KDM5A: variants seen among roughly 807,000 people sequenced by gnomAD.
The protein encoded by KDM5A is lysine-specific demethylase 5A.
Under a neutral mutation model 193.5 loss-of-function variants are expected in KDM5A, and 42 were observed. The ratio of observed to expected loss-of-function variants is 0.22; its 90% confidence interval spans 0.17 to 0.28. The LOEUF (loss-of-function observed/expected upper bound fraction) is 0.28, where lower values mean the gene tolerates loss of function less well. Ranked by LOEUF, KDM5A falls within the 10% of genes least tolerant of loss-of-function variation. The probability of loss-of-function intolerance (pLI) is 1.00; values close to 1 mark genes in which losing one functional copy is unlikely to be tolerated. For synonymous variants in KDM5A, 796 were observed against 718.1 expected (o/e 1.11, Z -1.73); for missense variants, 1,692 against 2,055.1 (o/e 0.82, Z 3.42).
At chr12:379,756 C>A (rs946796716) in intron 3 of KDM5A, among the ~76,000 whole-genome samples, 2 of 152,138 alleles carry the variant, frequency 1.3e-5, no homozygotes, top group Non-Finnish European at 1.5e-5. Flanking sequence ...GATAAGCACA[C>A]TTAACCTTTA....
intron 4 of KDM5A, among the ~76,000 whole-genome samples, chr12:365,470 C>T (rs181137184): frequency 4.6e-5 from 7 of 152,244 alleles, no homozygotes; most frequent in East Asian, 1.9e-4. Context: ...AGCCAGAAAG[C>T]GGGTCAGGAA....
intron 4 of KDM5A, among the ~76,000 whole-genome samples, chr12:365,428 T>C (rs1944345962): frequency 6.6e-6 from 1 of 152,080 alleles, no homozygotes; most frequent in Admixed American, 6.5e-5. Context: ...TGATTACATC[T>C]AGGTGAAAGT....
At position 320,067 on chromosome 12, in the gene KDM5A, C is replaced by A. The variant is rs533609534; in HGVS notation, c.2541+928G>T. On this transcript the variant is annotated intron_variant, in intron 18 of 27. Coordinates refer to ENST00000399788, the MANE Select transcript of KDM5A (RefSeq NM_001042603.3). ...GAACTGCCAATGAGCTAAGAAAAAA[C>A]CCAGAAAGTGTGGTGTCACAGGGGC... is the stretch of plus-strand genomic sequence containing the variant. Among the ~76,000 whole-genome samples, 82 of 152,250 alleles carry A rather than the reference C, an allele frequency of 5.4e-4. 2 individuals carry two copies. In the East Asian group the frequency reaches 6.9e-3, roughly 13 times the overall value.
At chr12:312,266 T>A (rs545687277) in intron 20 of KDM5A, among the ~76,000 whole-genome samples, 8 of 152,222 alleles carry the variant, frequency 5.3e-5, no homozygotes, top group Admixed American at 2.6e-4. Context: ...CTAGAAAATA[T>A]GTATTTGGAA....
At chr12:380,622 C>CT (rs1390922024) in intron 3 of KDM5A, among the ~76,000 whole-genome samples, 1 of 152,024 alleles carries the variant, frequency 6.6e-6, no homozygotes, top group African/African-American at 2.4e-5. Flanking sequence ...ACTCAGAAGG[C>CT]TGAGGCATGA....
At chr12:343,644 C>CA (rs1416576483) in intron 10 of KDM5A, among the ~76,000 whole-genome samples, 1 of 152,200 alleles carries the variant, frequency 6.6e-6, no homozygotes, top group Non-Finnish European at 1.5e-5. Context: ...GGACCTCCAA[C>CA]AAACTCCAAC....
chr12:311,428 G>A (rs1490939945), intron 20 of KDM5A, among the ~76,000 whole-genome samples: 2 of 152,012 alleles, frequency 1.3e-5, no homozygotes, highest in Non-Finnish European at 2.9e-5. Context: ...CAGATCACCT[G>A]AGGTCAGGAG....
chr12:370,610 A>C (rs1364090188), intron 3 of KDM5A, among the ~76,000 whole-genome samples: 2 of 74,150 alleles, frequency 2.7e-5, no homozygotes, highest in Non-Finnish European at 6.5e-5. Flanking sequence ...GGGAACAGAG[A>C]CTTTTTTTTT....
chr12:320,811 G>A (rs749589109), intron 18 of KDM5A, among the ~76,000 whole-genome samples, 184 bp downstream of exon 18: 3 of 152,050 alleles, frequency 2.0e-5, no homozygotes, highest in Middle Eastern at 3.2e-3. Flanking sequence ...AATTTTAAAT[G>A]GGGAATAATG....
intron 10 of KDM5A, among the ~76,000 whole-genome samples, chr12:337,493 G>A (rs963841552): frequency 6.6e-6 from 1 of 152,010 alleles, no homozygotes; most frequent in South Asian, 2.1e-4. Flanking sequence ...AGAGTCATAC[G>A]CAAAAACACA....
chr12:321,103 G>A lies in KDM5A; in HGVS notation c.2433C>T (p.Ser811=), dbSNP rs2137407741. The A allele has an allele frequency of 5.0e-6, 8 of 1,608,904 alleles. No individual in the cohort carries two copies. The South Asian group carries it at 7.7e-5, about 15-fold the overall frequency. ...LLSKKQKHRQ[S]PDSGRTRTKL... is the part of the protein sequence containing the mutation. ...TGGTCCGAGTCCTCCCACTATCTGG[G>A]CTCTGTCTGATGTGAAATAATATTG... Residue 811 remains serine (S), a synonymous_variant, in exon 18 of 28, where the codon AGC becomes AGT. Coordinates refer to ENST00000399788, the MANE Select transcript of KDM5A (RefSeq NM_001042603.3).
intron 5 of KDM5A, among the ~76,000 whole-genome samples, chr12:357,825 C>G (rs12578987): frequency 9.6e-5 from 1 of 10,424 alleles, no homozygotes; most frequent in Non-Finnish European, 2.4e-4. Flanking sequence ...AAGACTCAGT[C>G]TCAAAAAAAA....
chr12:377,097 G>A (rs962621878), intron 3 of KDM5A, among the ~76,000 whole-genome samples: 1 of 151,838 alleles, frequency 6.6e-6, no homozygotes, highest in Non-Finnish European at 1.5e-5. Context: ...CAATGCAGCA[G>A]AGAACAGGAT....
intron 3 of KDM5A, among the ~76,000 whole-genome samples, chr12:374,207 T>C (rs1223031750): frequency 6.6e-6 from 1 of 152,212 alleles, no homozygotes; most frequent in Non-Finnish European, 1.5e-5. Context: ...TATCATTGTG[T>C]GGGAGTCTAA....
At chr12:299,572 G>T (rs78859544) in intron 24 of KDM5A, among the ~76,000 whole-genome samples, 1 of 152,048 alleles carries the variant, frequency 6.6e-6, no homozygotes, top group Non-Finnish European at 1.5e-5. Flanking sequence ...AGGAACAATC[G>T]GTACCAGTCA....
In KDM5A at chr12:384,276, C is replaced by T. The variant is rs966937460; in HGVS notation, c.244-123G>A. The T allele has an allele frequency of 3.5e-5, 27 of 765,152 alleles. 2 individuals are homozygous for T. Among genetic ancestry groups the T allele is most frequent in the Non-Finnish European group, 5.5e-5 (24 of 435,484 alleles). The allele number at this position is 765,152 out of a possible 1,614,324, so 47.4% of individuals were successfully genotyped here. On this transcript the variant is annotated intron_variant, in intron 2 of 27. Coordinates refer to ENST00000399788, the MANE Select transcript of KDM5A (RefSeq NM_001042603.3). ...ATCAGCGGCCTGTTAGGAACCCAGC[C>T]ACACAGCAGGAGGTGAGCAGCGGCA... is the stretch of plus-strand genomic sequence containing the variant.
At chr12:301,810 A>G (rs1943444382) in intron 24 of KDM5A, among the ~76,000 whole-genome samples, 1 of 137,670 alleles carries the variant, frequency 7.3e-6, no homozygotes, top group Admixed American at 7.3e-5. Context: ...TAAGCTGATA[A>G]GCAACTTCAG....
At chr12:314,278 C>T (rs1022985675) in intron 19 of KDM5A, among the ~76,000 whole-genome samples, 5 of 152,140 alleles carry the variant, frequency 3.3e-5, no homozygotes, top group Non-Finnish European at 5.9e-5. Flanking sequence ...TCACTGCAAC[C>T]GCTGCCTCCT....
At chr12:367,388 CA>C (rs950974176) in intron 3 of KDM5A, among the ~76,000 whole-genome samples, 1 of 151,828 alleles carries the variant, frequency 6.6e-6, no homozygotes, top group Non-Finnish European at 1.5e-5. Context: ...CCCATCTCTA[CA>C]AAAAAATTTA....
Sources: allele counts gnomAD v4.1 joint callset (sites outside exome capture counted in the v4.1 genomes callset), GRCh38; gene constraint gnomAD v4.1.1; transcripts MANE v1.5; gene names NCBI Gene and HGNC (gene_info 2026-07-23, HGNC 2026-07-21).